FBLN7: variants seen among roughly 807,000 people sequenced by gnomAD.
The protein encoded by FBLN7 is fibulin-7.
FBLN7 carries 31 observed loss-of-function variants against 44.0 expected under a neutral mutation model. The observed-to-expected ratio is 0.70, with a 90% CI of 0.53 to 0.95. The LOEUF is 0.95. FBLN7 is among the 40% of genes least tolerant of loss of function. The pLI, the probability that FBLN7 is intolerant of heterozygous loss-of-function variation, is 0.00. For synonymous variants in FBLN7, 262 were observed against 253.4 expected (o/e 1.03, Z -0.32); for missense variants, 573 against 618.5 (o/e 0.93, Z 0.78).
In FBLN7 at chr2:112,182,875, G is replaced by T. The variant is rs199894123; in HGVS notation, c.755G>T (p.Arg252Leu). ...HACVNTPGSY[R>L]CTCPGGYRTL... Reference sequence around the variant, plus strand: ...TGCGTGAACACCCCGGGCTCTTACCGTTGCACCTGCCCCGGTGGATACCGA... The same window carrying T: ...TGCGTGAACACCCCGGGCTCTTACCTTTGCACCTGCCCCGGTGGATACCGA... Residue 252 changes from arginine to leucine, a missense_variant, in exon 6 of 8, where the codon CGT (arginine) becomes CTT (leucine). Physicochemically the swap from Arg to Leu is moderately radical, Grantham distance 102. Transcript: ENST00000331203. 1.2e-6 allele frequency: 2 copies of T among 1,613,048 alleles called. No individual in the cohort carries two copies. The highest frequency in any genetic ancestry group is 1.7e-6 in the Non-Finnish European group (2 of 1,179,856).
chr2:112,201,659 C>T, the FBLN7 span, among the ~76,000 whole-genome samples: 1 of 152,224 alleles, frequency 6.6e-6, no homozygotes, highest in Non-Finnish European at 1.5e-5. Flanking sequence ...CCACTCACAT[C>T]ATCTCCCCAA....
At chr2:112,228,102 TCAATGGAACA>T in the FBLN7 span, among the ~76,000 whole-genome samples, 3 of 152,126 alleles carry the variant, frequency 2.0e-5, no homozygotes, top group Admixed American at 2.0e-4. Flanking sequence ...CATATAGAGG[TCAATGGAACA>T]CAACTAAGTA....
the FBLN7 span, among the ~76,000 whole-genome samples, chr2:112,244,638 A>G: frequency 6.6e-6 from 1 of 152,162 alleles, no homozygotes; most frequent in Non-Finnish European, 1.5e-5. Flanking sequence ...TTTGAAAAGC[A>G]TGTGTTCACT....
chr2:112,239,259 G>C, the FBLN7 span, among the ~76,000 whole-genome samples: 2 of 152,142 alleles, frequency 1.3e-5, no homozygotes, highest in African/African-American at 4.8e-5. Context: ...TTCAGGTATT[G>C]GTTACATGTG....
chr2:112,160,752 GCACA>G (rs1232312073), intron 2 of FBLN7, among the ~76,000 whole-genome samples: 61 of 32,432 alleles, frequency 1.9e-3, no homozygotes, highest in Non-Finnish European at 1.1e-3. Flanking sequence ...ACACGCGCAC[GCACA>G]CACGCACGCA....
rs1469255432 is a variant in FBLN7, at chr2:112,181,704, C to T, written c.533-35C>T. On this transcript the variant is annotated intron_variant, in intron 4 of 7. Coordinates refer to ENST00000331203, the MANE Select transcript of FBLN7 (RefSeq NM_153214.3). ...AAGGTCGGGCCCACGGCAGGTGCGC[C>T]AGGGCCCGGCACTGAGCGTGTCTTC... The T allele has an allele frequency of 5.9e-6, 8 of 1,352,084 alleles. No homozygotes were observed. In the African/African-American group the frequency reaches 1.2e-4, roughly 21 times the overall value. The allele number at this position is 1,352,084 out of a possible 1,614,324, so 83.8% of individuals were successfully genotyped here.
At chr2:112,203,384 C>T in the FBLN7 span, among the ~76,000 whole-genome samples, 87 of 152,258 alleles carry the variant, frequency 5.7e-4, no homozygotes, top group South Asian at 0.011. Context: ...GCTAACTAAG[C>T]GCTGACTTCA....
chr2:112,205,498 A>G, the FBLN7 span, among the ~76,000 whole-genome samples: 1 of 152,128 alleles, frequency 6.6e-6, no homozygotes, highest in Non-Finnish European at 1.5e-5. Flanking sequence ...CCCACAGGAA[A>G]GCAGGAAAAG....
the FBLN7 span, among the ~76,000 whole-genome samples, chr2:112,198,329 T>C: frequency 2.0e-5 from 3 of 152,100 alleles, no homozygotes; most frequent in Admixed American, 6.6e-5. Flanking sequence ...TAAATGGGAT[T>C]AGTGTCCTTA....
the FBLN7 span, among the ~76,000 whole-genome samples, chr2:112,237,689 C>G: frequency 6.6e-6 from 1 of 151,862 alleles, no homozygotes; most frequent in African/African-American, 2.4e-5. Context: ...GATTCTCGTG[C>G]CTCAGCCTCC....
chr2:112,204,999 T>C, the FBLN7 span, among the ~76,000 whole-genome samples: 1 of 152,182 alleles, frequency 6.6e-6, no homozygotes, highest in African/African-American at 2.4e-5. Flanking sequence ...TGTTGATGAG[T>C]TTATAATGTA....
At chr2:112,172,648 T>A (rs1374825260) in intron 3 of FBLN7, among the ~76,000 whole-genome samples, 5 of 144,302 alleles carry the variant, frequency 3.5e-5, no homozygotes, top group Non-Finnish European at 6.0e-5. Flanking sequence ...TTTTTTTTTT[T>A]TTTGAGACAG....
At chr2:112,141,478 G>A (rs1021749695) in intron 1 of FBLN7, among the ~76,000 whole-genome samples, 2 of 152,198 alleles carry the variant, frequency 1.3e-5, no homozygotes, top group Non-Finnish European at 2.9e-5. Context: ...GCTCAGACGA[G>A]ACGTGGTGAT....
chr2:112,185,012 G>A (rs1198215387), intron 6 of FBLN7, among the ~76,000 whole-genome samples, 189 bp from the exon 7 acceptor site: 1 of 151,520 alleles, frequency 6.6e-6, no homozygotes, highest in East Asian at 1.9e-4. Context: ...CCCAGGGAGG[G>A]GCACTCCCTG....
the FBLN7 span, among the ~76,000 whole-genome samples, chr2:112,211,095 T>C: frequency 1.3e-5 from 2 of 152,228 alleles, no homozygotes; most frequent in South Asian, 4.1e-4. Flanking sequence ...CCTAGATGCA[T>C]GGCAGTTTAC....
At chr2:112,239,579 CTTTTTTTTT>C in the FBLN7 span, among the ~76,000 whole-genome samples, 12 of 86,486 alleles carry the variant, frequency 1.4e-4, no homozygotes, top group East Asian at 4.9e-4. Flanking sequence ...TAACAGTTTA[CTTTTTTTTT>C]TTTTTTTTTT....
At chr2:112,144,488 T>C (rs1680803575) in intron 1 of FBLN7, among the ~76,000 whole-genome samples, 1 of 151,948 alleles carries the variant, frequency 6.6e-6, no homozygotes, top group Non-Finnish European at 1.5e-5. Context: ...GGTTCCTTTT[T>C]GTTTTTGCTT....
intron 1 of FBLN7, among the ~76,000 whole-genome samples, chr2:112,154,106 C>T (rs1057346342): frequency 6.6e-6 from 1 of 152,180 alleles, no homozygotes; most frequent in Non-Finnish European, 1.5e-5. Context: ...AGATGAAGTA[C>T]TCACCCCTTT....
rs1391522369 is a variant in FBLN7, at chr2:112,138,416, G to C, written c.-240G>C. 1.4e-5 allele frequency: 3 copies of C among 220,236 alleles called. No homozygotes were observed. The highest frequency in any genetic ancestry group is 2.7e-4 in the East Asian group (2 of 7,524). The allele number at this position is 220,236 out of a possible 1,614,324, so 13.6% of individuals were successfully genotyped here. On this transcript the variant is annotated 5_prime_UTR_variant, in exon 1 of 8. Transcript: ENST00000331203. ...CCAGGGGCCGGCGCCTCCCCGCCTC[G>C]CGCGGACTGTCTCGTGCGGGCAGCT...
Sources: gnomAD v4.1 joint callset for allele counts (sites outside exome capture counted in the v4.1 genomes callset) on GRCh38, gnomAD v4.1.1 for gene constraint, MANE v1.5 for transcripts, NCBI Gene and HGNC (gene_info 2026-07-23, HGNC 2026-07-21) for gene names.